ANK3: variants seen among roughly 807,000 people sequenced by gnomAD.
ANK3 encodes ankyrin-3.
In ANK3, 57 loss-of-function variants were observed where a neutral mutation model predicts 370.9. The ratio of observed to expected loss-of-function variants is 0.15; its 90% CI spans 0.12 to 0.19. The LOEUF is 0.19. Among genes scored for constraint, ANK3 ranks in the 10% least tolerant of loss-of-function variants. The pLI, the probability that ANK3 is intolerant of heterozygous loss-of-function variation, is 1.00. For missense variants in ANK3, 4,439 were observed against 5,302.1 expected, an observed-to-expected ratio of 0.84 and a Z score of 5.06; for synonymous variants, 1,929 against 1,946.3, an observed-to-expected ratio of 0.99 and a Z score of 0.23.
chr10:60,713,631 T>G (rs1206318396), intron 1 of ANK3, among the ~76,000 whole-genome samples: 1 of 152,206 alleles, frequency 6.6e-6, no homozygotes, highest in Non-Finnish European at 1.5e-5. Context: ...TGCTCATGCC[T>G]GTAATCCCAG....
intron 1 of ANK3, among the ~76,000 whole-genome samples, chr10:60,693,562 C>A (rs2079391779): frequency 6.6e-6 from 1 of 152,210 alleles, no homozygotes; most frequent in Non-Finnish European, 1.5e-5. Context: ...TGAGAACGGG[C>A]AGACTGCCTC....
At chr10:60,085,701 C>T (rs56077689) in intron 30 of ANK3, among the ~76,000 whole-genome samples, 7,429 of 150,978 alleles carry the variant, frequency 0.049, 577 homozygotes, top group African/African-American at 0.17. Flanking sequence ...CTGCAACCTC[C>T]GCCTCCTGGG....
chr10:60,090,214 G>A (rs904395900), intron 28 of ANK3, among the ~76,000 whole-genome samples: 6 of 151,850 alleles, frequency 4.0e-5, no homozygotes, highest in African/African-American at 1.5e-4. Context: ...GCTACTTGGG[G>A]TGCTGAGACA....
chr10:60,258,416 A>C (rs1274366352), intron 7 of ANK3, among the ~76,000 whole-genome samples: 1 of 152,244 alleles, frequency 6.6e-6, no homozygotes, highest in Non-Finnish European at 1.5e-5. Flanking sequence ...CATCATAATA[A>C]AAATTGAAGG....
chr10:60,397,078 G>C (rs1012913860), intron 2 of ANK3, among the ~76,000 whole-genome samples: 1 of 152,002 alleles, frequency 6.6e-6, no homozygotes, highest in African/African-American at 2.4e-5. Context: ...TGTTGGCCCA[G>C]GAATCATTTG....
At chr10:60,533,742 G>A (rs2133204261) in intron 2 of ANK3, among the ~76,000 whole-genome samples, 1 of 152,202 alleles carries the variant, frequency 6.6e-6, no homozygotes, top group South Asian at 2.1e-4. Flanking sequence ...AGCTGGTAGA[G>A]AAGAAAGTTA....
intron 2 of ANK3, among the ~76,000 whole-genome samples, chr10:60,400,424 A>G (rs1378657757): frequency 6.6e-6 from 1 of 152,232 alleles, no homozygotes; most frequent in African/African-American, 2.4e-5. Flanking sequence ...GCTTATTTAA[A>G]AAGAATTGCC....
intron 2 of ANK3, among the ~76,000 whole-genome samples, chr10:60,557,666 A>T (rs1343900444): frequency 6.6e-6 from 1 of 152,162 alleles, no homozygotes; most frequent in Non-Finnish European, 1.5e-5. Context: ...TACAATAGTA[A>T]ATTTTATGTT....
At chr10:60,443,032 G>A (rs1725567896) in intron 2 of ANK3, among the ~76,000 whole-genome samples, 1 of 152,204 alleles carries the variant, frequency 6.6e-6, no homozygotes, top group African/African-American at 2.4e-5. Context: ...CATTGCATCA[G>A]CACATCAAGT....
intron 7 of ANK3, among the ~76,000 whole-genome samples, chr10:60,256,709 G>A (rs1163347082): frequency 3.3e-5 from 5 of 152,114 alleles, no homozygotes; most frequent in Non-Finnish European, 7.4e-5. Flanking sequence ...ACTAGTAAAT[G>A]AGAATACGTA....
At chr10:60,686,072 T>C (rs2079263410) in intron 1 of ANK3, among the ~76,000 whole-genome samples, 1 of 152,090 alleles carries the variant, frequency 6.6e-6, no homozygotes, top group African/African-American at 2.4e-5. Context: ...ATTGACAAAC[T>C]GATATCAATT....
intron 18 of ANK3, among the ~76,000 whole-genome samples, chr10:60,177,171 C>T (rs1384724137): frequency 6.6e-6 from 1 of 152,146 alleles, no homozygotes; most frequent in East Asian, 1.9e-4. Flanking sequence ...TCTCCTCTAC[C>T]TTTGGACAGC....
intron 25 of ANK3, among the ~76,000 whole-genome samples, chr10:60,125,666 C>T (rs1190600857): frequency 6.6e-6 from 1 of 152,138 alleles, no homozygotes; most frequent in Non-Finnish European, 1.5e-5. Context: ...GGTTAATCTG[C>T]CGACGGGTGT....
At chr10:60,355,448 T>C (rs532978765) in intron 1 of ANK3, among the ~76,000 whole-genome samples, 49 of 152,318 alleles carry the variant, frequency 3.2e-4, no homozygotes, top group African/African-American at 1.2e-3. Flanking sequence ...CACTAGTTTT[T>C]ATTGGATTGT....
chr10:60,110,290 C>T (rs1252467927), intron 26 of ANK3, among the ~76,000 whole-genome samples: 3 of 152,106 alleles, frequency 2.0e-5, no homozygotes, highest in Non-Finnish European at 4.4e-5. Flanking sequence ...GGCCTGTGAT[C>T]CCCACAGGCA....
intron 4 of ANK3, among the ~76,000 whole-genome samples, chr10:60,276,686 G>A (rs776686238): frequency 1.3e-4 from 20 of 152,188 alleles, no homozygotes; most frequent in South Asian, 1.0e-3. Flanking sequence ...AAACATTGCC[G>A]AGCCAGTTTA....
At chr10:60,714,299 T>C (rs1184812658) in intron 1 of ANK3, among the ~76,000 whole-genome samples, 1 of 152,200 alleles carries the variant, frequency 6.6e-6, no homozygotes, top group Non-Finnish European at 1.5e-5. Flanking sequence ...GGTTCACTGG[T>C]GACTTCGACC....
rs548145225 is a variant in ANK3, at chr10:60,196,383, T to C, written c.1789-140A>G. 2.8e-5 allele frequency: 26 copies of C among 918,056 alleles called. No individual in the cohort carries two copies. In the South Asian group the frequency reaches 3.9e-4, roughly 14 times the overall value. 56.9% of individuals were successfully genotyped at this position (918,056 alleles called of 1,614,324 possible). On this transcript the variant is annotated intron_variant, in intron 15 of 43. Transcript: ENST00000280772. ...TTCCACAGTACTTGGACCCCAGCAT[T>C]TACCTTTTATTTCCCAAGTGCTCTT...
In ANK3 at chr10:60,493,079, C is replaced by CAA. The variant is rs1268736795; in HGVS notation, c.96+122105_96+122106dup. 7.6e-3 allele frequency among the ~76,000 whole-genome samples: 926 copies of CAA among 121,490 alleles called. 7 individuals carry two copies. Among genetic ancestry groups the CAA allele is most frequent in the African/African-American group, 0.023 (734 of 31,928 alleles). 79.7% of individuals were successfully genotyped at this position (121,490 alleles called of 152,430 possible). A position where few individuals can be genotyped will look rare whatever the true frequency, so the allele number is the denominator to read the frequency against. On this transcript the variant is annotated intron_variant, in intron 2 of 43. Coordinates refer to the ANK3 transcript ENST00000373827. Reference sequence around the variant, plus strand: ...TGGGCGACAGAGCGAGACTCCTTCTCAAAAAAAAAAAAAAAAAAAGAAAAG... The same window carrying CAA: ...TGGGCGACAGAGCGAGACTCCTTCTCAAAAAAAAAAAAAAAAAAAAAGAAAAG...
Sources: gnomAD v4.1 joint callset for allele counts (sites outside exome capture counted in the v4.1 genomes callset) on GRCh38, gnomAD v4.1.1 for gene constraint, MANE v1.5 for transcripts, NCBI Gene and HGNC (gene_info 2026-07-23, HGNC 2026-07-21) for gene names.